The following RELN variants were observed in gnomAD, a reference collection of about 807,000 sequenced individuals.
RELN encodes the protein reelin.
In RELN, 108 loss-of-function variants were observed where a neutral mutation model predicts 427.6. That is an observed-to-expected ratio of 0.25 (90% CI 0.22 to 0.30). The LOEUF is 0.30. Ranked by LOEUF, RELN falls within the 10% of genes least tolerant of loss-of-function variation. RELN has a pLI of 1.00. For missense variants in RELN, 3,715 were observed against 4,302.8 expected, an observed-to-expected ratio of 0.86 and a Z score of 3.82; for synonymous variants, 1,524 against 1,513.4, an observed-to-expected ratio of 1.01 and a Z score of -0.16.
chr7:103,793,742 G>A (rs904896209), intron 3 of RELN, among the ~76,000 whole-genome samples: 2 of 152,120 alleles, frequency 1.3e-5, no homozygotes, highest in Non-Finnish European at 2.9e-5. Context: ...GTTGTCATCG[G>A]TAGTACAAGT....
chr7:103,963,560 T>A (rs1796605309), intron 1 of RELN, among the ~76,000 whole-genome samples: 1 of 152,166 alleles, frequency 6.6e-6, no homozygotes, highest in Non-Finnish European at 1.5e-5. Context: ...AGCACTGGGT[T>A]GGGTGACAAA....
rs768151995 is a variant in RELN, at chr7:103,510,900, G to A, written c.8225C>T (p.Ala2742Val). 11 of 1,613,018 alleles carry A rather than the reference G, an allele frequency of 6.8e-6. No individual in the cohort carries two copies. Among genetic ancestry groups the A allele is most frequent in the Admixed American group, 3.3e-5 (2 of 59,958 alleles). ...CGSHDGREVYAVTHDLTPTEG... is the reference protein window; with the variant it reads ...CGSHDGREVYVVTHDLTPTEG... ...AGTGGGAGTCAGGTCATGGGTCACT[G>A]CATACACCTCCCGTCCATCATGACT... The change falls in exon 51 of 65, where the codon GCA (alanine) becomes GTA (valine). Residue 2742 changes from alanine to valine, a missense_variant. Coordinates refer to ENST00000428762, the MANE Select transcript of RELN (RefSeq NM_005045.4).
chr7:103,965,113 T>A (rs148730217), intron 1 of RELN, among the ~76,000 whole-genome samples: 1 of 152,224 alleles, frequency 6.6e-6, no homozygotes, highest in Non-Finnish European at 1.5e-5. Flanking sequence ...TAAACCCAAC[T>A]GTGCTTTTTA....
chr7:103,667,262 G>T (rs1478393418), intron 11 of RELN, among the ~76,000 whole-genome samples: 1 of 152,072 alleles, frequency 6.6e-6, no homozygotes, highest in Non-Finnish European at 1.5e-5. Context: ...TTCATTTTAG[G>T]CTCTCATTTA....
intron 2 of RELN, among the ~76,000 whole-genome samples, chr7:103,866,418 G>C (rs1050559261): frequency 2.0e-5 from 3 of 152,030 alleles, no homozygotes; most frequent in Non-Finnish European, 4.4e-5. Flanking sequence ...GCATGAGCTG[G>C]CTTCTCTTTA....
intron 10 of RELN, among the ~76,000 whole-genome samples, chr7:103,684,975 T>C (rs9986712): frequency 0.052 from 7,958 of 152,236 alleles, 704 homozygotes; most frequent in African/African-American, 0.18. Flanking sequence ...TGGAATATGT[T>C]CCACAATACA....
chr7:103,677,765 CAAAAAAA>C (rs60678229), intron 11 of RELN, among the ~76,000 whole-genome samples: 1 of 56,032 alleles, frequency 1.8e-5, no homozygotes, highest in Non-Finnish European at 3.2e-5. Flanking sequence ...GAATCTGTCT[CAAAAAAA>C]AAAAAAAAAA....
At chr7:103,606,208 T>C (rs1831815664) in intron 22 of RELN, among the ~76,000 whole-genome samples, 1 of 152,202 alleles carries the variant, frequency 6.6e-6, no homozygotes, top group Non-Finnish European at 1.5e-5. Flanking sequence ...GTGACTAGAT[T>C]GTGAGCTCTT....
chr7:103,718,172 A>C (rs1197729022), intron 8 of RELN, among the ~76,000 whole-genome samples: 1 of 152,138 alleles, frequency 6.6e-6, no homozygotes, highest in Non-Finnish European at 1.5e-5. Context: ...GTGTAAACAG[A>C]GTGGCTCTCA....
intron 3 of RELN, 98 bp downstream of exon 3, chr7:103,833,438 GT>G (rs1793323069): frequency 8.4e-7 from 1 of 1,184,202 alleles, no homozygotes. Context: ...GGTTAAACCT[GT>G]CAAAATAAAA....
At chr7:103,812,449 A>G (rs780427221) in intron 3 of RELN, among the ~76,000 whole-genome samples, 5 of 152,306 alleles carry the variant, frequency 3.3e-5, no homozygotes, top group Non-Finnish European at 7.4e-5. Context: ...CCAGGTGAAC[A>G]ATGGGCAATT....
At chr7:103,572,041 C>A in intron 31 of RELN, 143 bp downstream of exon 31, 1 of 682,654 alleles carries the variant, frequency 1.5e-6, no homozygotes, top group South Asian at 1.6e-5. Flanking sequence ...TCTGTGCAGC[C>A]ACCGATTCTA....
chr7:103,681,308 C>A (rs559295839), intron 11 of RELN, among the ~76,000 whole-genome samples: 16 of 152,204 alleles, frequency 1.1e-4, no homozygotes. Context: ...CACAGTGACA[C>A]GACTATACCT....
At chr7:103,616,516 A>G (rs1482699597) in intron 20 of RELN, among the ~76,000 whole-genome samples, 1 of 152,196 alleles carries the variant, frequency 6.6e-6, no homozygotes, top group East Asian at 1.9e-4. Context: ...GAAATTGTAT[A>G]CTTATTGGAA....
intron 16 of RELN, among the ~76,000 whole-genome samples, chr7:103,649,309 A>G (rs1488355467): frequency 6.6e-6 from 1 of 152,066 alleles, no homozygotes; most frequent in African/African-American, 2.4e-5. Flanking sequence ...ACTGGAGGCC[A>G]TTATCCTAAG....
chr7:103,622,594 G>C (rs1194733217), intron 20 of RELN, among the ~76,000 whole-genome samples: 1 of 152,036 alleles, frequency 6.6e-6, no homozygotes, highest in East Asian at 1.9e-4. Flanking sequence ...CTAGTTTCTT[G>C]GCTGCCTCAG....
At chr7:103,551,574 A>T (rs1283948558) in intron 40 of RELN, among the ~76,000 whole-genome samples, 1 of 152,192 alleles carries the variant, frequency 6.6e-6, no homozygotes, top group African/African-American at 2.4e-5. Context: ...GACAATTCCA[A>T]ATTTTACCTT....
rs964848471 is a variant in RELN, at chr7:103,604,565, T to G, written c.3009-82A>C. ...GCAAAGAATGTCAGAGTCCAAAATCTTTCAGCTAACTAACTTTCTGGAACT... is the reference window on the plus strand; with the variant it reads ...GCAAAGAATGTCAGAGTCCAAAATCGTTCAGCTAACTAACTTTCTGGAACT... On this transcript the variant is annotated intron_variant, in intron 22 of 64. Coordinates refer to ENST00000428762, the MANE Select transcript of RELN (RefSeq NM_005045.4). The G allele has an allele frequency of 6.6e-5, 96 of 1,444,758 alleles. 1 individual carries two copies. In the African/African-American group the frequency reaches 1.3e-3, roughly 20 times the overall value. 89.5% of individuals were successfully genotyped at this position (1,444,758 alleles called of 1,614,324 possible).
intron 2 of RELN, among the ~76,000 whole-genome samples, chr7:103,916,323 C>T (rs1356469526): frequency 6.6e-6 from 1 of 152,204 alleles, no homozygotes; most frequent in Non-Finnish European, 1.5e-5. Flanking sequence ...CTTCTCACAT[C>T]TATAGATGAA....
Sources: allele counts gnomAD v4.1 joint callset (sites outside exome capture counted in the v4.1 genomes callset), GRCh38; gene constraint gnomAD v4.1.1; transcripts MANE v1.5; gene names NCBI Gene and HGNC (gene_info 2026-07-23, HGNC 2026-07-21).